PCSK5: variants seen among roughly 807,000 people sequenced by gnomAD.
PCSK5 encodes the protein proprotein convertase subtilisin/kexin type 5.
Under a neutral mutation model 233.2 loss-of-function variants are expected in PCSK5, and 129 were observed. That is an observed-to-expected ratio of 0.55 (90% CI 0.48 to 0.64). The LOEUF is 0.64. PCSK5 is among the 30% of genes least tolerant of loss of function. The pLI, the probability that PCSK5 is intolerant of heterozygous loss-of-function variation, is 0.00. For missense variants in PCSK5, 2,076 were observed against 2,430.1 expected (o/e 0.85, Z 3.06); for synonymous variants, 825 against 879.2 (o/e 0.94, Z 1.09).
intron 24 of PCSK5, among the ~76,000 whole-genome samples, chr9:76,243,481 G>A (rs527916498): frequency 6.6e-6 from 1 of 152,080 alleles, no homozygotes; most frequent in Non-Finnish European, 1.5e-5. Context: ...ATTCTAAAAT[G>A]CCCTTAATTT....
intron 33 of PCSK5, among the ~76,000 whole-genome samples, 178 bp downstream of exon 33, chr9:76,328,417 G>A (rs866403772): frequency 6.6e-6 from 1 of 152,166 alleles, no homozygotes; most frequent in South Asian, 2.1e-4. Flanking sequence ...AACAGCGCAC[G>A]GATGTGCTTC....
chr9:76,157,774 G>A (rs1246094346), intron 11 of PCSK5, among the ~76,000 whole-genome samples: 1 of 149,320 alleles, frequency 6.7e-6, no homozygotes, highest in Non-Finnish European at 1.5e-5. Flanking sequence ...TTTGGAAGCA[G>A]AAGTAAATCA....
chr9:75,979,698 ATCT>A (rs1363287639), intron 2 of PCSK5, among the ~76,000 whole-genome samples: 2 of 152,238 alleles, frequency 1.3e-5, no homozygotes, highest in African/African-American at 4.8e-5. Context: ...TGCCCGTAAT[ATCT>A]TCTTTGAGAA....
intron 30 of PCSK5, among the ~76,000 whole-genome samples, chr9:76,317,285 C>T (rs1357941322): frequency 6.6e-6 from 1 of 152,170 alleles, no homozygotes; most frequent in Non-Finnish European, 1.5e-5. Flanking sequence ...ATCACTTCAA[C>T]CCAGGAGGTA....
intron 20 of PCSK5, among the ~76,000 whole-genome samples, chr9:76,217,031 A>G (rs748330236): frequency 2.6e-5 from 4 of 151,890 alleles, no homozygotes; most frequent in African/African-American, 7.3e-5. Flanking sequence ...GTAGAGATGG[A>G]GTTTCACCAT....
intron 5 of PCSK5, among the ~76,000 whole-genome samples, chr9:76,058,996 A>G (rs1230248753): frequency 1.3e-5 from 2 of 151,938 alleles, no homozygotes; most frequent in Admixed American, 6.6e-5. Flanking sequence ...CACACAGACG[A>G]AAAAAAAGAA....
intron 9 of PCSK5, among the ~76,000 whole-genome samples, chr9:76,122,598 T>C (rs898089810): frequency 4.6e-5 from 7 of 152,136 alleles, no homozygotes; most frequent in South Asian, 2.1e-4. Flanking sequence ...TTAGGGCAAT[T>C]GTTGAAATTT....
intron 12 of PCSK5, among the ~76,000 whole-genome samples, chr9:76,159,403 T>C (rs1009308817): frequency 6.6e-6 from 1 of 152,106 alleles, no homozygotes; most frequent in African/African-American, 2.4e-5. Flanking sequence ...AGTAGAAAAA[T>C]TGAAGGCCAC....
intron 5 of PCSK5, among the ~76,000 whole-genome samples, chr9:76,044,332 A>T (rs907672969): frequency 2.0e-5 from 3 of 152,348 alleles, no homozygotes; most frequent in South Asian, 2.1e-4. Flanking sequence ...TAATATGAGG[A>T]GATTAGAATT....
chr9:76,328,478 T>C (rs1829435849), intron 33 of PCSK5, among the ~76,000 whole-genome samples: 1 of 152,216 alleles, frequency 6.6e-6, no homozygotes, highest in South Asian at 2.1e-4. Flanking sequence ...TATCATTTGT[T>C]CGTGGGCTCT....
At chr9:76,220,154 A>G (rs944669518) in intron 20 of PCSK5, among the ~76,000 whole-genome samples, 13 of 152,210 alleles carry the variant, frequency 8.5e-5, no homozygotes, top group Non-Finnish European at 1.2e-4. Context: ...CCATCCACCA[A>G]CAACGTTTTT....
intron 1 of PCSK5, among the ~76,000 whole-genome samples, chr9:75,929,683 A>G (rs773865034): frequency 1.3e-5 from 2 of 152,080 alleles, no homozygotes; most frequent in Non-Finnish European, 2.9e-5. Context: ...CGATAAAGAC[A>G]TACCCAAGAC....
chr9:76,032,638 G>A lies in PCSK5; in HGVS notation c.632+5601G>A, dbSNP rs146468690. 3.3e-4 allele frequency among the ~76,000 whole-genome samples: 50 copies of A among 152,226 alleles called. 2 individuals are homozygous for A. The East Asian group carries it at 9.3e-3, about 28-fold the overall frequency. ...AGGAGATCATAAAAACCCATCCTTC[G>A]ATTCAGCTTTGCCTCCATTCATATT... is the stretch of plus-strand genomic sequence containing the variant. On this transcript the variant is annotated intron_variant, in intron 5 of 37. Coordinates refer to ENST00000674117, the MANE Select transcript of PCSK5 (RefSeq NM_001372043.1).
At chr9:76,277,515 A>T (rs1473282723) in intron 24 of PCSK5, among the ~76,000 whole-genome samples, 1 of 152,240 alleles carries the variant, frequency 6.6e-6, no homozygotes, top group African/African-American at 2.4e-5. Context: ...ACATTTGTAG[A>T]CAATAATTTC....
chr9:76,280,262 C>T (rs1017290711), intron 24 of PCSK5, among the ~76,000 whole-genome samples: 13 of 152,200 alleles, frequency 8.5e-5, no homozygotes, highest in Admixed American at 7.9e-4. Context: ...GCCTTTTCCA[C>T]TGACGGCATT....
rs1490544298 is a variant in PCSK5, at chr9:75,962,268, C to T, written c.298-23864C>T. ...TGTGGGCTCTGAAGGGTGGATATGTCGTTCTTCCTTTAGCTCATTCAGAAA... is the reference window on the plus strand; with the variant it reads ...TGTGGGCTCTGAAGGGTGGATATGTTGTTCTTCCTTTAGCTCATTCAGAAA... On this transcript the variant is annotated intron_variant, in intron 2 of 37. Coordinates refer to ENST00000674117, the MANE Select transcript of PCSK5 (RefSeq NM_001372043.1). Among the ~76,000 whole-genome samples the T allele has an allele frequency of 5.3e-5, 8 of 152,112 alleles. No individual in the cohort carries two copies. The East Asian group carries it at 1.2e-3, about 22-fold the overall frequency.
intron 14 of PCSK5, among the ~76,000 whole-genome samples, chr9:76,177,021 G>A (rs912588268): frequency 1.3e-5 from 2 of 152,302 alleles, no homozygotes; most frequent in South Asian, 2.1e-4. Context: ...CAGGTGCGGT[G>A]GCCCACGCCT....
chr9:76,021,663 A>G (rs1346382986), intron 3 of PCSK5, among the ~76,000 whole-genome samples: 1 of 152,140 alleles, frequency 6.6e-6, no homozygotes, highest in East Asian at 1.9e-4. Flanking sequence ...CTTAGAATGA[A>G]TCTTTGAAAC....
intron 8 of PCSK5, among the ~76,000 whole-genome samples, chr9:76,105,410 C>T (rs573764841): frequency 4.6e-5 from 7 of 152,236 alleles, no homozygotes; most frequent in African/African-American, 1.7e-4. Context: ...TCAGTGGTTA[C>T]AGAGTTTGAG....
Sources: allele counts gnomAD v4.1 joint callset (sites outside exome capture counted in the v4.1 genomes callset), GRCh38; gene constraint gnomAD v4.1.1; transcripts MANE v1.5; gene names NCBI Gene and HGNC (gene_info 2026-07-23, HGNC 2026-07-21).